The following GRIA4 variants were observed in gnomAD, a reference collection of about 807,000 sequenced individuals.
GRIA4 encodes glutamate ionotropic receptor AMPA type subunit 4.
A neutral mutation model predicts 104.0 loss-of-function variants in GRIA4; 34 were observed. That is an observed-to-expected ratio of 0.33 (90% CI 0.25 to 0.44). The LOEUF (loss-of-function observed/expected upper bound fraction) is 0.44. Ranked by LOEUF, GRIA4 falls within the 20% of genes least tolerant of loss-of-function variation. GRIA4 has a pLI of 1.00. For missense variants in GRIA4, 750 were observed against 1,096.5 expected (o/e 0.68, Z 4.46); for synonymous variants, 386 against 381.9 (o/e 1.01, Z -0.13).
Position 105,670,918 on chromosome 11 carries a change from A to G in GRIA4, c.247+58484A>G, listed in dbSNP as rs531390278. Among the ~76,000 whole-genome samples, 42 of 152,266 alleles carry G rather than the reference A, an allele frequency of 2.8e-4. 1 individual carries two copies. Among genetic ancestry groups the G allele is most frequent in the Admixed American group, 2.5e-3 (38 of 15,260 alleles). On this transcript the variant is annotated intron_variant, in intron 3 of 16. Transcript: ENST00000282499. ...GGCTACATCCCTTTCTTGTGGTGGT[A>G]GGAGTCTGTTTCCTTGCTTCTTCCA...
intron 3 of GRIA4, among the ~76,000 whole-genome samples, chr11:105,729,464 A>G (rs1938440264): frequency 6.6e-6 from 1 of 152,204 alleles, no homozygotes; most frequent in Non-Finnish European, 1.5e-5. Context: ...AAACTATTCC[A>G]AACAATAGAA....
At chr11:105,973,702 T>G (rs1858819544) in intron 15 of GRIA4, among the ~76,000 whole-genome samples, 3 of 152,118 alleles carry the variant, frequency 2.0e-5, no homozygotes, top group Admixed American at 2.0e-4. Context: ...AAAGTAACAT[T>G]TTCCATGAGA....
chr11:105,849,801 C>G (rs531096158), intron 4 of GRIA4, among the ~76,000 whole-genome samples: 1 of 152,298 alleles, frequency 6.6e-6, no homozygotes, highest in Admixed American at 6.5e-5. Context: ...TCAAACTTTA[C>G]AGTCATAATT....
intron 4 of GRIA4, among the ~76,000 whole-genome samples, chr11:105,796,642 T>A (rs1455174112): frequency 6.6e-6 from 1 of 152,144 alleles, no homozygotes; most frequent in Non-Finnish European, 1.5e-5. Context: ...TATCTGTAGT[T>A]TATTCATATG....
intron 4 of GRIA4, among the ~76,000 whole-genome samples, chr11:105,777,852 A>G (rs1274559523): frequency 6.6e-6 from 1 of 152,150 alleles, no homozygotes; most frequent in Non-Finnish European, 1.5e-5. Flanking sequence ...TACAGCTAGC[A>G]CTCAGGGTTA....
intron 3 of GRIA4, among the ~76,000 whole-genome samples, chr11:105,682,001 C>G (rs1478111063): frequency 6.6e-6 from 1 of 152,080 alleles, no homozygotes; most frequent in Non-Finnish European, 1.5e-5. Flanking sequence ...GATCACACAA[C>G]TGCACTCCAG....
At chr11:105,899,238 C>A (rs1013102409) in intron 7 of GRIA4, among the ~76,000 whole-genome samples, 16 of 152,144 alleles carry the variant, frequency 1.1e-4, no homozygotes, top group African/African-American at 3.1e-4. Flanking sequence ...CTCTGAAATA[C>A]TGGAATTTGG....
chr11:105,884,809 G>A (rs1284293282), intron 5 of GRIA4, among the ~76,000 whole-genome samples: 1 of 152,174 alleles, frequency 6.6e-6, no homozygotes, highest in Non-Finnish European at 1.5e-5. Flanking sequence ...AATGGACAAT[G>A]AGTTCTTTAT....
At chr11:105,863,870 A>G (rs1945314863) in intron 5 of GRIA4, among the ~76,000 whole-genome samples, 1 of 152,204 alleles carries the variant, frequency 6.6e-6, no homozygotes, top group Non-Finnish European at 1.5e-5. Context: ...GCTGGTTTCT[A>G]AGAAGAAAAT....
At chr11:105,791,796 G>T (rs1228442187) in intron 4 of GRIA4, among the ~76,000 whole-genome samples, 2 of 152,180 alleles carry the variant, frequency 1.3e-5, no homozygotes, top group African/African-American at 2.4e-5. Context: ...TCCATTTGAA[G>T]TTAACATTAG....
intron 3 of GRIA4, among the ~76,000 whole-genome samples, chr11:105,719,828 C>A (rs1205083455): frequency 6.6e-6 from 1 of 151,354 alleles, no homozygotes; most frequent in Non-Finnish European, 1.5e-5. Context: ...AAAATGGCGA[C>A]TGAAATTACA....
intron 3 of GRIA4, among the ~76,000 whole-genome samples, chr11:105,677,269 C>A (rs988788395): frequency 2.6e-5 from 4 of 151,716 alleles, no homozygotes; most frequent in Non-Finnish European, 5.9e-5. Flanking sequence ...GCCCTCTGGT[C>A]AATTAAAGAG....
chr11:105,946,178 A>G (rs1948306110), intron 14 of GRIA4, among the ~76,000 whole-genome samples: 1 of 152,108 alleles, frequency 6.6e-6, no homozygotes, highest in Admixed American at 6.5e-5. Flanking sequence ...TTTCACTATA[A>G]CCTCTCACTT....
chr11:105,769,340 G>C (rs922200824), intron 4 of GRIA4, among the ~76,000 whole-genome samples: 4 of 152,044 alleles, frequency 2.6e-5, no homozygotes, highest in Non-Finnish European at 5.9e-5. Context: ...GCTTCAGAAA[G>C]GGTAATATTT....
At chr11:105,678,267 C>T (rs564937283) in intron 3 of GRIA4, among the ~76,000 whole-genome samples, 1 of 151,936 alleles carries the variant, frequency 6.6e-6, no homozygotes, top group Non-Finnish European at 1.5e-5. Flanking sequence ...CCCAATTATG[C>T]CCCTACTTTA....
intron 4 of GRIA4, among the ~76,000 whole-genome samples, chr11:105,844,525 G>A (rs1944512175): frequency 6.6e-6 from 1 of 152,166 alleles, no homozygotes; most frequent in Admixed American, 6.5e-5. Context: ...TGTAAAACAG[G>A]ACCTTTGCAT....
At chr11:105,901,383 T>C (rs1179918328) in intron 7 of GRIA4, among the ~76,000 whole-genome samples, 1 of 152,200 alleles carries the variant, frequency 6.6e-6, no homozygotes, top group African/African-American at 2.4e-5. Flanking sequence ...CAATTCTGTC[T>C]TGTTATCTAT....
chr11:105,964,651 C>T (rs1168114571), intron 14 of GRIA4, among the ~76,000 whole-genome samples: 4 of 152,126 alleles, frequency 2.6e-5, no homozygotes, highest in African/African-American at 9.7e-5. Context: ...AGCATATGAG[C>T]CACTCCTTAA....
At chr11:105,817,573 G>C (rs902490169) in intron 4 of GRIA4, among the ~76,000 whole-genome samples, 1 of 151,480 alleles carries the variant, frequency 6.6e-6, no homozygotes, top group Non-Finnish European at 1.5e-5. Context: ...CATGTAAAGA[G>C]GACACTTTAA....
Sources: allele counts gnomAD v4.1 joint callset (sites outside exome capture counted in the v4.1 genomes callset), GRCh38; gene constraint gnomAD v4.1.1; transcripts MANE v1.5; gene names NCBI Gene and HGNC (gene_info 2026-07-23, HGNC 2026-07-21).